PHLDB2: variants seen among roughly 807,000 people sequenced by gnomAD.
PHLDB2 encodes the protein pleckstrin homology-like domain family B member 2.
PHLDB2 carries 71 observed loss-of-function variants against 123.6 expected under a neutral mutation model. The ratio of observed to expected loss-of-function variants is 0.57; its 90% CI spans 0.47 to 0.70. The LOEUF is 0.70. Among genes scored for constraint, PHLDB2 ranks in the 30% least tolerant of loss-of-function variants. The pLI, the probability that PHLDB2 is intolerant of heterozygous loss-of-function variation, is 0.00. For missense variants in PHLDB2, 1,446 were observed against 1,519.5 expected (o/e 0.95, Z 0.80); for synonymous variants, 547 against 541.6 (o/e 1.01, Z -0.14).
intron 2 of PHLDB2, among the ~76,000 whole-genome samples, chr3:111,892,781 G>A (rs2066575735): frequency 6.6e-6 from 1 of 152,164 alleles, no homozygotes; most frequent in Admixed American, 6.5e-5. Context: ...TCTTGCTTGT[G>A]TACCATTGAG....
At chr3:111,756,067 C>G (rs1334551738) in intron 1 of PHLDB2, among the ~76,000 whole-genome samples, 5 of 152,098 alleles carry the variant, frequency 3.3e-5, no homozygotes, top group African/African-American at 4.8e-5. Context: ...GAGCTTTTTA[C>G]TTCCAACTAT....
At chr3:111,895,904 A>T (rs9819082) in intron 2 of PHLDB2, among the ~76,000 whole-genome samples, 22,084 of 129,684 alleles carry the variant, frequency 0.17, 1,915 homozygotes, top group East Asian at 0.32. Flanking sequence ...ATCTATTTAT[A>T]TGGAGATACA....
At chr3:111,887,298 A>G (rs1236469045) in intron 2 of PHLDB2, among the ~76,000 whole-genome samples, 1 of 152,140 alleles carries the variant, frequency 6.6e-6, no homozygotes, top group Non-Finnish European at 1.5e-5. Context: ...ATGAAGTTAT[A>G]TATTTTTTCT....
intron 1 of PHLDB2, among the ~76,000 whole-genome samples, chr3:111,743,232 C>T (rs2059631972): frequency 6.6e-6 from 1 of 152,140 alleles, no homozygotes; most frequent in Non-Finnish European, 1.5e-5. Flanking sequence ...AAGGAAGTTT[C>T]GATCCCTGGA....
intron 1 of PHLDB2, among the ~76,000 whole-genome samples, chr3:111,762,051 C>T (rs984915683): frequency 6.6e-6 from 1 of 152,182 alleles, no homozygotes; most frequent in Non-Finnish European, 1.5e-5. Context: ...GATGCCCCCC[C>T]AATCCCATCC....
At chr3:111,920,526 A>C in intron 5 of PHLDB2, 107 bp downstream of exon 5, 1 of 1,366,534 alleles carries the variant, frequency 7.3e-7, no homozygotes, top group Non-Finnish European at 9.8e-7. Context: ...TTTGTGTGTC[A>C]TGTTCCTGGA....
intron 12 of PHLDB2, chr3:111,958,206 A>G (rs1250624378): frequency 2.2e-6 from 2 of 928,840 alleles, no homozygotes; most frequent in South Asian, 5.0e-5. Flanking sequence ...TTCCCTTTCT[A>G]CAATCATTCT....
chr3:111,745,388 T>C (rs896190562), intron 1 of PHLDB2, among the ~76,000 whole-genome samples: 4 of 152,248 alleles, frequency 2.6e-5, no homozygotes, highest in Admixed American at 2.0e-4. Context: ...GCATGTGTTA[T>C]TTCAATCCGT....
chr3:111,817,649 T>G (rs1410411520), intron 1 of PHLDB2, among the ~76,000 whole-genome samples: 1 of 152,190 alleles, frequency 6.6e-6, no homozygotes, highest in Admixed American at 6.5e-5. Context: ...CTTTCCAAAC[T>G]CTTATCTCAT....
intron 6 of PHLDB2, among the ~76,000 whole-genome samples, chr3:111,935,029 C>A (rs2069384924): frequency 6.6e-6 from 1 of 151,416 alleles, no homozygotes; most frequent in Non-Finnish European, 1.5e-5. Context: ...ACTGTCCCAG[C>A]CAGGTAACTG....
At chr3:111,950,586 C>T (rs1172625556) in intron 10 of PHLDB2, among the ~76,000 whole-genome samples, 4 of 151,976 alleles carry the variant, frequency 2.6e-5, no homozygotes, top group Admixed American at 6.6e-5. Flanking sequence ...ACTCAGAGTA[C>T]ATTGATGCTT....
At chr3:111,780,005 G>A in intron 1 of PHLDB2, 1 of 351,710 alleles carries the variant, frequency 2.8e-6, no homozygotes, top group Non-Finnish European at 4.0e-6. Flanking sequence ...CAAAATGTGA[G>A]CCAAACATTC....
rs1301145593 is a variant in PHLDB2, at chr3:111,859,490, A to ACCCGACGGGGG, written c.-92_-82dup. 1 of 985,476 alleles carries ACCCGACGGGGG rather than the reference A, an allele frequency of 1.0e-6. No individual in the cohort carries two copies. Among genetic ancestry groups the ACCCGACGGGGG allele is most frequent in the Non-Finnish European group, 1.2e-6 (1 of 830,020 alleles). The allele number at this position is 985,476 out of a possible 1,614,324, so 61.0% of individuals were successfully genotyped here. On this transcript the variant is annotated 5_prime_UTR_variant, in exon 1 of 18. Coordinates refer to ENST00000431670, the MANE Select transcript of PHLDB2 (RefSeq NM_001134438.2). Reference sequence around the variant, plus strand: ...AGCCCACCATTGCGGCCCGAGGGGGACCCGACGGGGGCCCGACGGTGTGGC... The same window carrying ACCCGACGGGGG: ...AGCCCACCATTGCGGCCCGAGGGGGACCCGACGGGGGCCCGACGGGGGCCCGACGGTGTGGC...
At chr3:111,829,622 C>T (rs1263684315) in intron 1 of PHLDB2, among the ~76,000 whole-genome samples, 1 of 151,818 alleles carries the variant, frequency 6.6e-6, no homozygotes, top group African/African-American at 2.4e-5. Context: ...TGCCACCACG[C>T]CCAGCTAATT....
In PHLDB2 at chr3:111,952,642, G is replaced by T; in HGVS notation, c.2702G>T (p.Arg901Leu). The T allele has an allele frequency of 3.1e-6, 5 of 1,613,864 alleles. No homozygotes were observed. The highest frequency in any genetic ancestry group is 4.2e-6 in the Non-Finnish European group (5 of 1,179,874). The change falls in exon 11 of 18, where the codon CGA (arginine) becomes CTA (leucine). Residue 901 changes from arginine to leucine, a missense_variant. Transcript: ENST00000431670. ...CTCTATCTGAGTGATACTTTGCCTC[G>T]AAAGAAAACCACATCTTCCATCTCC... is the stretch of plus-strand genomic sequence containing the variant. ...EGLYLSDTLP[R>L]KKTTSSISPH...
At chr3:111,973,699 G>A (rs753520469) in intron 16 of PHLDB2, 33 bp from the exon 17 acceptor site, 7 of 1,205,408 alleles carry the variant, frequency 5.8e-6, no homozygotes, top group Middle Eastern at 2.0e-4. Context: ...CCTCAGTGGC[G>A]ATAAAGTATT....
At chr3:111,896,522 T>TG (rs1373993947) in intron 2 of PHLDB2, among the ~76,000 whole-genome samples, 32 of 152,204 alleles carry the variant, frequency 2.1e-4, no homozygotes, top group Admixed American at 5.9e-4. Flanking sequence ...AATTTTTGTA[T>TG]TTTTAGTAGA....
At chr3:111,793,758 C>T (rs1417063788) in intron 1 of PHLDB2, among the ~76,000 whole-genome samples, 2 of 151,660 alleles carry the variant, frequency 1.3e-5, no homozygotes, top group African/African-American at 4.8e-5. Flanking sequence ...TGGATTCTTC[C>T]CTCTAGGCAG....
In PHLDB2 at chr3:111,884,725, C is replaced by G; in HGVS notation, c.648C>G (p.Ser216Arg). 1 of 1,614,084 alleles carries G rather than the reference C, an allele frequency of 6.2e-7. No individual in the cohort carries two copies. The highest frequency in any genetic ancestry group is 8.5e-7 in the Non-Finnish European group (1 of 1,180,022). ...CCAGGAAAATGAGCATTCAGGACAG[C>G]CTGGCGCTTCAACCCAAGTTAACTA... ...KQARKMSIQD[S>R]LALQPKLTRH... Residue 216 changes from serine (S) to arginine (R), a missense_variant, in exon 2 of 18, where the codon AGC (serine) becomes AGG (arginine). Ser to Arg is a moderately radical substitution (Grantham distance 110). Around this residue, in one of 3 missense-constraint regions of PHLDB2, gnomAD observed 832 missense variants for 831.9 expected, o/e 1.00. Coordinates refer to ENST00000431670, the MANE Select transcript of PHLDB2 (RefSeq NM_001134438.2).
Sources: allele counts gnomAD v4.1 joint callset (sites outside exome capture counted in the v4.1 genomes callset), GRCh38; gene constraint gnomAD v4.1.1; regional missense constraint gnomAD v4.1.1; transcripts MANE v1.5; gene names NCBI Gene and HGNC (gene_info 2026-07-23, HGNC 2026-07-21).